The following ATAD2 variants were observed in gnomAD, a reference collection of about 807,000 sequenced individuals.
The protein encoded by ATAD2 is ATPase family AAA domain containing 2.
Under a neutral mutation model 168.9 loss-of-function variants are expected in ATAD2, and 62 were observed. That is an observed-to-expected ratio of 0.37 (90% CI 0.30 to 0.45). The LOEUF is 0.45. Among genes scored for constraint, ATAD2 ranks in the 20% least tolerant of loss-of-function variants. The probability of loss-of-function intolerance (pLI) is 1.00; values close to 1 mark genes in which losing one functional copy is unlikely to be tolerated. For synonymous variants in ATAD2, 613 were observed against 571.6 expected, an observed-to-expected ratio of 1.07 and a Z score of -1.03; for missense variants, 1,419 against 1,667.8, an observed-to-expected ratio of 0.85 and a Z score of 2.60.
In ATAD2 at chr8:123,369,685, G is replaced by A. The variant is rs151338261; in HGVS notation, c.931+136C>T. On this transcript the variant is annotated intron_variant, in intron 7 of 27. Transcript: ENST00000287394. ...ATTATTTGTTACAAACTTAGGATAG[G>A]TAAAGACAACAGTAATGAGTATTCA... The A allele has an allele frequency of 3.7e-3, 2,661 of 719,948 alleles. 13 individuals carry two copies. Among genetic ancestry groups the A allele is most frequent in the Non-Finnish European group, 4.9e-3 (2,209 of 451,126 alleles). The allele number at this position is 719,948 out of a possible 1,614,324, so 44.6% of individuals were successfully genotyped here.
chr8:123,339,683 G>A (rs1299393808), intron 19 of ATAD2, among the ~76,000 whole-genome samples: 1 of 152,090 alleles, frequency 6.6e-6, no homozygotes, highest in Non-Finnish European at 1.5e-5. Context: ...TGAAATGCAT[G>A]TGTCAGTCAT....
chr8:123,387,103 T>C (rs1156323774), intron 1 of ATAD2, among the ~76,000 whole-genome samples: 1 of 152,114 alleles, frequency 6.6e-6, no homozygotes, highest in Non-Finnish European at 1.5e-5. Flanking sequence ...TTTTAATCTC[T>C]TGGTGCAAAA....
Position 123,321,195 on chromosome 8 carries a change from A to T in ATAD2, c.4132-20T>A. 2 of 1,596,682 alleles carry T rather than the reference A, an allele frequency of 1.3e-6. No homozygotes were observed. The highest frequency in any genetic ancestry group is 1.7e-6 in the Non-Finnish European group (2 of 1,172,748). ...CATTTTCTAGATAAAGGGGAGGAAG[A>T]GCAAATAGTAAGTTTCAATATGGAA... On this transcript the variant is annotated intron_variant, in intron 27 of 27. Transcript: ENST00000287394.
chr8:123,349,142 T>G, intron 14 of ATAD2, 143 bp downstream of exon 14: 1 of 707,106 alleles, frequency 1.4e-6, no homozygotes, highest in Non-Finnish European at 2.2e-6. Context: ...GAATAAAAAT[T>G]TGTCCCCATT....
intron 22 of ATAD2, among the ~76,000 whole-genome samples, chr8:123,334,989 A>C (rs1827877330): frequency 6.6e-6 from 1 of 152,182 alleles, no homozygotes; most frequent in Non-Finnish European, 1.5e-5. Context: ...GGCAAGGTCG[A>C]AGTAGTGGTT....
chr8:123,348,849 GTAGC>G (rs1828344102), intron 14 of ATAD2, among the ~76,000 whole-genome samples: 1 of 152,130 alleles, frequency 6.6e-6, no homozygotes, highest in African/African-American at 2.4e-5. Context: ...AACTACTAAA[GTAGC>G]TATTCATTCT....
chr8:123,335,373 A>C (rs962592340), intron 22 of ATAD2, among the ~76,000 whole-genome samples: 1 of 152,184 alleles, frequency 6.6e-6, no homozygotes, highest in East Asian at 1.9e-4. Flanking sequence ...GAGCTAGAGG[A>C]CTGGGAGGGA....
intron 19 of ATAD2, among the ~76,000 whole-genome samples, chr8:123,341,140 C>T (rs761409422): frequency 2.0e-5 from 3 of 151,962 alleles, no homozygotes; most frequent in Non-Finnish European, 4.4e-5. Flanking sequence ...AATTCCTAGT[C>T]CCTGGCCCAT....
At chr8:123,338,330 G>A (rs900710494) in intron 20 of ATAD2, among the ~76,000 whole-genome samples, 2 of 151,742 alleles carry the variant, frequency 1.3e-5, no homozygotes, top group African/African-American at 4.8e-5. Context: ...ACTCCAGCCT[G>A]GGTGACAGAG....
Position 123,392,066 on chromosome 8 carries a change from A to G in ATAD2, c.171+4121T>C, listed in dbSNP as rs182270872. On this transcript the variant is annotated intron_variant, in intron 1 of 27. Coordinates refer to ENST00000287394, the MANE Select transcript of ATAD2 (RefSeq NM_014109.4). ...ACCACAAATACGGGATTTATGGCAA[A>G]TAGTCTCTGTATATTGCTGTTAGGT... 2.6e-5 allele frequency among the ~76,000 whole-genome samples: 4 copies of G among 152,302 alleles called. No homozygotes were observed. In the East Asian group the frequency reaches 5.8e-4, roughly 22 times the overall value.
At position 123,393,184 on chromosome 8, in the gene ATAD2, C is replaced by CAA. The variant is rs60028341; in HGVS notation, c.171+3001_171+3002dup. On this transcript the variant is annotated intron_variant, in intron 1 of 27. Coordinates refer to ENST00000287394, the MANE Select transcript of ATAD2 (RefSeq NM_014109.4). The stretch of plus-strand genomic sequence containing the variant: ...TGGGTGACAGAGCGAAACTCCATCT[C>CAA]AAAAAAAAAAAAAAAAAGATTCACT... 5.8e-3 allele frequency among the ~76,000 whole-genome samples: 515 copies of CAA among 88,190 alleles called. 3 individuals carry two copies. The highest frequency in any genetic ancestry group is 0.019 in the African/African-American group (439 of 23,010). 57.9% of individuals were successfully genotyped at this position (88,190 alleles called of 152,430 possible). A position where few individuals can be genotyped will look rare whatever the true frequency, so the allele number is the denominator to read the frequency against.
At chr8:123,365,959 G>A (rs757580157) in intron 8 of ATAD2, among the ~76,000 whole-genome samples, 1 of 152,110 alleles carries the variant, frequency 6.6e-6, no homozygotes, top group Non-Finnish European at 1.5e-5. Flanking sequence ...AACAGCAAAA[G>A]GAAGAATCAG....
At position 123,389,127 on chromosome 8, in the gene ATAD2, C is replaced by T. The variant is rs576530900; in HGVS notation, c.171+7060G>A. 1.8e-3 allele frequency among the ~76,000 whole-genome samples: 187 copies of T among 104,686 alleles called. 4 individuals are homozygous for T. In the East Asian group the frequency reaches 0.053, roughly 30 times the overall value. The allele number at this position is 104,686 out of a possible 152,430, so 68.7% of individuals were successfully genotyped here. A position where few individuals can be genotyped will look rare whatever the true frequency, so the allele number is the denominator to read the frequency against. ...GATTACAGGAGCCTGCTACCACGCC[C>T]GGCTAATTTTTTTTTTTTTTTTGTA... On this transcript the variant is annotated intron_variant, in intron 1 of 27. Transcript: ENST00000287394.
intron 13 of ATAD2, among the ~76,000 whole-genome samples, chr8:123,353,115 G>A (rs747425020): frequency 7.3e-5 from 11 of 151,630 alleles, no homozygotes; most frequent in Non-Finnish European, 1.0e-4. Flanking sequence ...TGTAATCCCA[G>A]CACTTTGGGA....
chr8:123,409,705 C>T (rs975070146), intron 1 of ATAD2, among the ~76,000 whole-genome samples: 2 of 151,884 alleles, frequency 1.3e-5, no homozygotes, highest in Admixed American at 6.6e-5. Context: ...CAGGGGCTCG[C>T]GTCTGTAATC....
chr8:123,415,893 C>T (rs898180071), intron 1 of ATAD2, among the ~76,000 whole-genome samples: 47 of 152,162 alleles, frequency 3.1e-4, no homozygotes, highest in African/African-American at 1.1e-3. Context: ...GCACCCGGCC[C>T]TAAACACTAT....
intron 2 of ATAD2, among the ~76,000 whole-genome samples, chr8:123,375,697 C>A (rs560674054): frequency 6.6e-6 from 1 of 152,160 alleles, no homozygotes; most frequent in African/African-American, 2.4e-5. Context: ...CTGAGCCAGC[C>A]GCAGTGGCTC....
intron 1 of ATAD2, among the ~76,000 whole-genome samples, chr8:123,415,139 TG>T (rs1477735247): frequency 6.6e-6 from 1 of 152,228 alleles, no homozygotes; most frequent in Non-Finnish European, 1.5e-5. Flanking sequence ...TGAAAAAGAC[TG>T]TATCTTTCCT....
chr8:123,396,102 C>A, intron 1 of ATAD2, 85 bp downstream of exon 1: 1 of 1,401,060 alleles, frequency 7.1e-7, no homozygotes, highest in Non-Finnish European at 9.3e-7. Flanking sequence ...ACCGGCGCCG[C>A]CCACCCCCAG....
Sources: allele counts gnomAD v4.1 joint callset (sites outside exome capture counted in the v4.1 genomes callset), GRCh38; gene constraint gnomAD v4.1.1; transcripts MANE v1.5; gene names NCBI Gene and HGNC (gene_info 2026-07-23, HGNC 2026-07-21).